Variants in PDE4C observed in about 807,000 individuals in gnomAD.
PDE4C encodes phosphodiesterase 4C.
Under a neutral mutation model 63.9 loss-of-function variants are expected in PDE4C, and 50 were observed. The observed-to-expected ratio is 0.78, with a 90% CI of 0.62 to 0.99. The LOEUF (loss-of-function observed/expected upper bound fraction) is 0.99, where lower values mean the gene tolerates loss of function less well. PDE4C is among the 50% of genes least tolerant of loss of function. PDE4C has a pLI of 0.00. For missense variants in PDE4C, 777 were observed against 899.1 expected (o/e 0.86, Z 1.74); for synonymous variants, 377 against 385.1 (o/e 0.98, Z 0.25).
chr19:18,238,489 T>G (rs933521541), upstream of PDE4C, among the ~76,000 whole-genome samples: 1 of 151,748 alleles, frequency 6.6e-6, no homozygotes, highest in Non-Finnish European at 1.5e-5. Context: ...CTGCCCACCT[T>G]GGCCTCCCAA....
intron 1 of PDE4C, among the ~76,000 whole-genome samples, chr19:18,224,078 GGC>G: frequency 6.6e-6 from 1 of 152,290 alleles, no homozygotes; most frequent in Non-Finnish European, 1.5e-5. Flanking sequence ...TCTTTGCACA[GGC>G]CGTGCTTTCT....
upstream of PDE4C, among the ~76,000 whole-genome samples, chr19:18,251,619 G>C (rs1376663222): frequency 6.7e-6 from 1 of 149,724 alleles, no homozygotes; most frequent in African/African-American, 2.5e-5. Flanking sequence ...AGTTTTAATA[G>C]AGACGGGGTT....
upstream of PDE4C, among the ~76,000 whole-genome samples, chr19:18,236,586 G>T (rs1003303113): frequency 6.6e-6 from 1 of 152,134 alleles, no homozygotes; most frequent in African/African-American, 2.4e-5. Context: ...TCGATGTGAG[G>T]TCAGGAGCCT....
At chr19:18,239,603 G>C (rs1363720794) in intron 1 of PDE4C, among the ~76,000 whole-genome samples, 1 of 152,172 alleles carries the variant, frequency 6.6e-6, no homozygotes, top group Admixed American at 6.5e-5. Context: ...ACAGCTTTGG[G>C]GTAAGGCGAT....
chr19:18,226,126 A>C, intron 1 of PDE4C, 144 bp downstream of exon 1: 1 of 644,166 alleles, frequency 1.6e-6, no homozygotes, highest in Non-Finnish European at 2.7e-6. Flanking sequence ...AGAGAGATAC[A>C]GAGAAAGCGA....
At chr19:18,241,520 G>A (rs1428378573) in intron 1 of PDE4C, among the ~76,000 whole-genome samples, 1 of 151,790 alleles carries the variant, frequency 6.6e-6, no homozygotes, top group East Asian at 1.9e-4. Flanking sequence ...GCCCGCCTCG[G>A]CCTCCCAAAG....
intron 4 of PDE4C, 56 bp downstream of exon 4, chr19:18,221,049 T>TCCGCCAGGCCCCGCCCCAC: frequency 8.1e-7 from 1 of 1,239,970 alleles, no homozygotes; most frequent in Non-Finnish European, 1.1e-6. Context: ...CAGCCCGCTT[T>TCCGCCAGGCCCCGCCCCAC]CCGCCCACCT....
chr19:18,212,887 C>T (rs1968019979), intron 13 of PDE4C, among the ~76,000 whole-genome samples: 1 of 149,488 alleles, frequency 6.7e-6, no homozygotes, highest in African/African-American at 2.5e-5. Flanking sequence ...GGGGTTTCAC[C>T]ATCTTGGCCA....
At chr19:18,219,371 T>TGGGCAGCTCCACCTC (rs1470415370) in exon 8 of PDE4C, 28 of 1,610,848 alleles carry the variant, frequency 1.7e-5, no homozygotes, top group Admixed American at 3.3e-5. Context: ...GCGGTCACCT[T>TGGGCAGCTCCACCTC]GGGCAGCTCC....
At chr19:18,242,878 T>C (rs1969068003) in intron 1 of PDE4C, among the ~76,000 whole-genome samples, 1 of 151,586 alleles carries the variant, frequency 6.6e-6, no homozygotes, top group South Asian at 2.1e-4. Context: ...TAGGATTTGA[T>C]TCTGGGAGAA....
upstream of PDE4C, among the ~76,000 whole-genome samples, chr19:18,249,432 G>GTT: frequency 6.6e-6 from 1 of 151,834 alleles, no homozygotes; most frequent in East Asian, 1.9e-4. Flanking sequence ...ACACCACCAC[G>GTT]CCTGGCTAAT....
upstream of PDE4C, among the ~76,000 whole-genome samples, chr19:18,230,722 C>G (rs1263297519): frequency 6.6e-6 from 1 of 152,136 alleles, no homozygotes; most frequent in Non-Finnish European, 1.5e-5. Context: ...TTCTCCCAAG[C>G]AGTCCTCCCT....
upstream of PDE4C, among the ~76,000 whole-genome samples, chr19:18,251,298 G>T (rs997777092): frequency 2.8e-5 from 4 of 145,326 alleles, no homozygotes; most frequent in Non-Finnish European, 6.0e-5. Flanking sequence ...GCTATTTTTT[G>T]TATTTTTAGT....
At chr19:18,226,573 T>G, upstream of PDE4C, 1 of 426,974 alleles carries the variant, frequency 2.3e-6, no homozygotes, top group South Asian at 5.9e-5. Context: ...ACGGGGAAAC[T>G]GAGGCACAGA....
chr19:18,254,137 A>G, the PDE4C span, among the ~76,000 whole-genome samples: 1 of 152,154 alleles, frequency 6.6e-6, no homozygotes, highest in African/African-American at 2.4e-5. Flanking sequence ...TCCCCATTTG[A>G]CAGATGAGAA....
At chr19:18,229,080 C>T (rs1449030756), upstream of PDE4C, among the ~76,000 whole-genome samples, 1 of 149,978 alleles carries the variant, frequency 6.7e-6, no homozygotes, top group Non-Finnish European at 1.5e-5. Flanking sequence ...GGATTACAGG[C>T]ATGTGCCACC....
At chr19:18,244,810 C>CTTT (rs531303939) in intron 1 of PDE4C, among the ~76,000 whole-genome samples, 1 of 146,500 alleles carries the variant, frequency 6.8e-6, no homozygotes, top group East Asian at 2.0e-4. Context: ...CAGTGACCAG[C>CTTT]TTTTTTTTTT....
intron 2 of PDE4C, 98 bp from the exon 3 acceptor site, chr19:18,221,395 T>C: frequency 7.9e-7 from 1 of 1,263,206 alleles, no homozygotes; most frequent in Non-Finnish European, 1.1e-6. Context: ...CTCTCAGGAC[T>C]TCTCCTCCAG....
At chr19:18,223,580 G>C (rs546582669) in intron 1 of PDE4C, among the ~76,000 whole-genome samples, 1 of 151,854 alleles carries the variant, frequency 6.6e-6, no homozygotes, top group Admixed American at 6.6e-5. Flanking sequence ...TCCTGACCTC[G>C]TGATCTGCCC....
Sources: gnomAD v4.1 joint callset for allele counts (sites outside exome capture counted in the v4.1 genomes callset) on GRCh38, gnomAD v4.1.1 for gene constraint, MANE v1.5 for transcripts, NCBI Gene and HGNC (gene_info 2026-07-23, HGNC 2026-07-21) for gene names.